The following COG5 variants were observed in gnomAD, a reference collection of about 807,000 sequenced individuals.
The protein encoded by COG5 is conserved oligomeric Golgi complex subunit 5.
A neutral mutation model predicts 110.4 loss-of-function variants in COG5; 86 were observed. The ratio of observed to expected loss-of-function variants is 0.78; its 90% confidence interval spans 0.65 to 0.93. COG5 has a LOEUF of 0.93. COG5 is among the 40% of genes least tolerant of loss of function. The pLI is 0.00. For synonymous variants in COG5, 360 were observed against 334.6 expected (o/e 1.08, Z -0.83); for missense variants, 1,077 against 987.0 (o/e 1.09, Z -1.22).
intron 18 of COG5, among the ~76,000 whole-genome samples, chr7:107,232,870 G>A (rs1800880945): frequency 6.6e-6 from 1 of 152,164 alleles, no homozygotes; most frequent in Non-Finnish European, 1.5e-5. Context: ...TGAGCGGTCA[G>A]CTGCAGGCAC....
chr7:107,270,058 G>T (rs1016602654), intron 14 of COG5, among the ~76,000 whole-genome samples: 1 of 152,162 alleles, frequency 6.6e-6, no homozygotes, highest in Non-Finnish European at 1.5e-5. Context: ...TTCAGTAATT[G>T]CCAGGCTGCT....
intron 19 of COG5, among the ~76,000 whole-genome samples, chr7:107,227,075 T>C (rs1284219871): frequency 6.6e-6 from 1 of 152,168 alleles, no homozygotes; most frequent in African/African-American, 2.4e-5. Context: ...AGGAAAAAAC[T>C]TGGCTCCCTG....
chr7:107,359,265 G>A (rs780188148), intron 10 of COG5, among the ~76,000 whole-genome samples: 18 of 152,212 alleles, frequency 1.2e-4, no homozygotes, highest in Non-Finnish European at 2.4e-4. Flanking sequence ...CACAACTGAG[G>A]CCGAGCCCAG....
At chr7:107,387,315 G>A (rs1282081330) in intron 7 of COG5, among the ~76,000 whole-genome samples, 2 of 152,102 alleles carry the variant, frequency 1.3e-5, no homozygotes, top group Non-Finnish European at 2.9e-5. Flanking sequence ...CTGGCCTGCT[G>A]GGGAGGGGCA....
intron 6 of COG5, among the ~76,000 whole-genome samples, chr7:107,478,235 T>C (rs537368053): frequency 1.3e-5 from 2 of 152,022 alleles, no homozygotes; most frequent in Non-Finnish European, 2.9e-5. Context: ...GAGCTGTTAC[T>C]CTACCAACTA....
At chr7:107,485,187 A>G (rs1797586678) in intron 6 of COG5, among the ~76,000 whole-genome samples, 1 of 152,200 alleles carries the variant, frequency 6.6e-6, no homozygotes, top group Non-Finnish European at 1.5e-5. Flanking sequence ...GAAGACTAAA[A>G]TCTCGAGAAT....
intron 5 of COG5, among the ~76,000 whole-genome samples, chr7:107,534,740 G>C (rs750247054): frequency 2.0e-4 from 31 of 151,368 alleles, no homozygotes; most frequent in Non-Finnish European, 4.6e-4. Flanking sequence ...ACACCCCAAT[G>C]TCAATATTAG....
At chr7:107,208,949 C>A in intron 21 of COG5, 1 of 983,286 alleles carries the variant, frequency 1.0e-6, no homozygotes, top group Non-Finnish European at 1.2e-6. Flanking sequence ...CACCCTGGAC[C>A]TTCTTGGGGA....
chr7:107,281,552 C>G (rs1805167673), intron 13 of COG5, among the ~76,000 whole-genome samples, 153 bp from the exon 14 acceptor site: 1 of 152,004 alleles, frequency 6.6e-6, no homozygotes, highest in African/African-American at 2.4e-5. Flanking sequence ...TTCATTTTAC[C>G]CCCTAATTTC....
chr7:107,500,928 C>A (rs967220437), intron 6 of COG5, among the ~76,000 whole-genome samples: 8 of 152,124 alleles, frequency 5.3e-5, no homozygotes, highest in Non-Finnish European at 8.8e-5. Context: ...CATAAATTTA[C>A]ATTCAACCAT....
At chr7:107,504,239 G>A (rs1263933031) in intron 6 of COG5, among the ~76,000 whole-genome samples, 1 of 152,054 alleles carries the variant, frequency 6.6e-6, no homozygotes, top group Non-Finnish European at 1.5e-5. Context: ...TGCTTTTTCT[G>A]CATCTATTGA....
At chr7:107,522,446 C>T (rs1402842379) in intron 6 of COG5, among the ~76,000 whole-genome samples, 3 of 152,126 alleles carry the variant, frequency 2.0e-5, no homozygotes, top group African/African-American at 7.2e-5. Flanking sequence ...CCAGCCTGTG[C>T]AACGAGAGTG....
chr7:107,422,636 T>C (rs1793373603), intron 6 of COG5, among the ~76,000 whole-genome samples: 1 of 151,880 alleles, frequency 6.6e-6, no homozygotes, highest in Non-Finnish European at 1.5e-5. Flanking sequence ...CTTGGAGTTT[T>C]GGATGACATT....
In COG5 at chr7:107,211,182, C is replaced by T. The variant is rs756618451; in HGVS notation, c.2212G>A (p.Ala738Thr). Residue 738 changes from alanine to threonine, a missense_variant, in exon 20 of 22, where the codon GCA becomes ACA. Coordinates refer to ENST00000297135, the MANE Select transcript of COG5 (RefSeq NM_006348.5). Reference sequence around the variant, plus strand: ...CTGAACGGAATCACATCCCCCAATGCAGGACTACTGGCTACATGTTCACTT... The same window carrying T: ...CTGAACGGAATCACATCCCCCAATGTAGGACTACTGGCTACATGTTCACTT... ...QASEHVASSP[A>T]LGDVIPFSII... 2 of 1,614,042 alleles carry T rather than the reference C, an allele frequency of 1.2e-6. No homozygotes were observed. Among genetic ancestry groups the T allele is most frequent in the Non-Finnish European group, 1.7e-6 (2 of 1,179,944 alleles).
chr7:107,414,583 G>C (rs1792559883), intron 6 of COG5, among the ~76,000 whole-genome samples: 2 of 151,330 alleles, frequency 1.3e-5, no homozygotes, highest in African/African-American at 4.8e-5. Context: ...AAATGTTCTG[G>C]TTTATTCTAG....
At chr7:107,381,661 G>A (rs975197213) in intron 7 of COG5, among the ~76,000 whole-genome samples, 3 of 152,142 alleles carry the variant, frequency 2.0e-5, no homozygotes, top group African/African-American at 7.2e-5. Context: ...TGGAGATTGC[G>A]ACATTGGAAT....
intron 10 of COG5, among the ~76,000 whole-genome samples, chr7:107,351,217 CCT>C: frequency 6.6e-6 from 1 of 152,222 alleles, no homozygotes; most frequent in South Asian, 2.1e-4. Flanking sequence ...GAAAGGATTC[CCT>C]GTTTAATAAA....
At chr7:107,352,064 G>A (rs987679178) in intron 10 of COG5, among the ~76,000 whole-genome samples, 10 of 146,560 alleles carry the variant, frequency 6.8e-5, no homozygotes, top group Non-Finnish European at 1.4e-4. Context: ...CAACCCAAAT[G>A]TCCAACAATG....
intron 6 of COG5, among the ~76,000 whole-genome samples, chr7:107,438,902 C>T (rs1028681720): frequency 1.3e-5 from 2 of 152,284 alleles, no homozygotes; most frequent in East Asian, 3.9e-4. Flanking sequence ...TCCTTTATCC[C>T]TTCTACCACA....
Sources: allele counts gnomAD v4.1 joint callset (sites outside exome capture counted in the v4.1 genomes callset), GRCh38; gene constraint gnomAD v4.1.1; transcripts MANE v1.5; gene names NCBI Gene and HGNC (gene_info 2026-07-23, HGNC 2026-07-21).